The following PPP1R1C variants were observed in gnomAD, a reference collection of about 807,000 sequenced individuals.
The protein encoded by PPP1R1C is protein phosphatase 1 regulatory subunit 1C.
In PPP1R1C, 15 loss-of-function variants were observed where a neutral mutation model predicts 17.4. The observed-to-expected ratio is 0.86, with a 90% CI of 0.58 to 1.33. PPP1R1C has a LOEUF of 1.33. Ranked by LOEUF, PPP1R1C falls within the 40% of genes most tolerant of loss-of-function variation. The probability of loss-of-function intolerance (pLI) is 0.00; values close to 1 mark genes in which losing one functional copy is unlikely to be tolerated. For synonymous variants in PPP1R1C, 35 were observed against 43.1 expected, an observed-to-expected ratio of 0.81 and a Z score of 0.73; for missense variants, 143 against 130.0, an observed-to-expected ratio of 1.10 and a Z score of -0.48.
At chr2:182,011,801 G>T (rs944165421) in intron 2 of PPP1R1C, among the ~76,000 whole-genome samples, 2 of 151,892 alleles carry the variant, frequency 1.3e-5, no homozygotes, top group African/African-American at 4.8e-5. Flanking sequence ...CACAGGTTTT[G>T]GTATGTTGTG....
intron 2 of PPP1R1C, among the ~76,000 whole-genome samples, chr2:181,978,607 T>A (rs1056637856): frequency 3.9e-5 from 6 of 152,170 alleles, no homozygotes; most frequent in African/African-American, 1.4e-4. Flanking sequence ...GTGGCTGTTT[T>A]CTGAGAGGGA....
intron 4 of PPP1R1C, among the ~76,000 whole-genome samples, chr2:182,067,115 A>C (rs915984048): frequency 6.6e-6 from 1 of 152,124 alleles, no homozygotes; most frequent in South Asian, 2.1e-4. Context: ...AGCAGGGCCT[A>C]TTAGTATTGC....
chr2:182,030,262 G>A (rs1178920143), intron 2 of PPP1R1C, among the ~76,000 whole-genome samples: 2 of 152,228 alleles, frequency 1.3e-5, no homozygotes, highest in Non-Finnish European at 2.9e-5. Context: ...GTGAAGAACT[G>A]CGTTCCTTTG....
At position 182,113,831 on chromosome 2, in the gene PPP1R1C, C is replaced by T. The variant is rs1478384783; in HGVS notation, c.242-3376C>T. 5.9e-5 allele frequency among the ~76,000 whole-genome samples: 9 copies of T among 152,064 alleles called. No individual in the cohort carries two copies. The East Asian group carries it at 1.5e-3, about 26-fold the overall frequency. The stretch of plus-strand genomic sequence containing the variant: ...TGTGTTATCTACAAATGTAATGAGC[C>T]TCCTGTCTTTGGCTTCAGATTAATT... On this transcript the variant is annotated intron_variant, in intron 4 of 4. Coordinates refer to ENST00000682840, the MANE Select transcript of PPP1R1C (RefSeq NM_001080545.3).
intron 4 of PPP1R1C, among the ~76,000 whole-genome samples, chr2:182,098,198 T>C (rs1416146980): frequency 6.6e-6 from 1 of 152,296 alleles, no homozygotes; most frequent in East Asian, 1.9e-4. Flanking sequence ...CTAGAAGATT[T>C]GTATACCAGC....
chr2:181,990,201 C>T (rs914585964), intron 2 of PPP1R1C, among the ~76,000 whole-genome samples: 7 of 151,860 alleles, frequency 4.6e-5, no homozygotes, highest in African/African-American at 1.4e-4. Flanking sequence ...TGCAGTGGCG[C>T]GATCTCAGCT....
At chr2:182,066,709 T>C (rs537951707) in intron 4 of PPP1R1C, among the ~76,000 whole-genome samples, 2 of 152,264 alleles carry the variant, frequency 1.3e-5, no homozygotes, top group East Asian at 3.9e-4. Flanking sequence ...ACTTTTTCAT[T>C]ATCTTGTGTA....
At chr2:182,004,570 A>G (rs567230552) in intron 2 of PPP1R1C, among the ~76,000 whole-genome samples, 2 of 152,340 alleles carry the variant, frequency 1.3e-5, no homozygotes, top group East Asian at 3.9e-4. Flanking sequence ...ACAAGGCATT[A>G]GAGATTCAAT....
At chr2:182,035,527 A>C (rs1036661379) in intron 2 of PPP1R1C, among the ~76,000 whole-genome samples, 2 of 152,084 alleles carry the variant, frequency 1.3e-5, no homozygotes, top group African/African-American at 2.4e-5. Flanking sequence ...AGAGTGTTTG[A>C]GGTGAGGCCT....
chr2:181,956,971 C>T (rs145782285), intron 1 of PPP1R1C, among the ~76,000 whole-genome samples: 242 of 152,270 alleles, frequency 1.6e-3, no homozygotes, highest in East Asian at 0.015. Context: ...ATGAGCTGTT[C>T]ACACTGTTAA....
intron 2 of PPP1R1C, among the ~76,000 whole-genome samples, chr2:182,012,008 T>G (rs1397809309): frequency 6.6e-6 from 1 of 152,106 alleles, no homozygotes; most frequent in African/African-American, 2.4e-5. Flanking sequence ...TTCTTTGAAT[T>G]TGTTAAGACT....
Position 181,997,043 on chromosome 2 carries a change from C to G in PPP1R1C, c.142+9144C>G, listed in dbSNP as rs541158559. Among the ~76,000 whole-genome samples the G allele has an allele frequency of 1.7e-3, 252 of 151,858 alleles. 1 individual carries two copies. Among genetic ancestry groups the G allele is most frequent in the African/African-American group, 5.8e-3 (241 of 41,430 alleles). On this transcript the variant is annotated intron_variant, in intron 2 of 4. Coordinates refer to ENST00000682840, the MANE Select transcript of PPP1R1C (RefSeq NM_001080545.3). Reference sequence around the variant, plus strand: ...AGGAGATCGAGACCATCCTGGCTAACATGGTGAAACCCTGTCTTTACTAGA... The same window carrying G: ...AGGAGATCGAGACCATCCTGGCTAAGATGGTGAAACCCTGTCTTTACTAGA...
chr2:182,098,121 GAC>G (rs1688996825), intron 4 of PPP1R1C, among the ~76,000 whole-genome samples: 1 of 151,804 alleles, frequency 6.6e-6, no homozygotes, highest in African/African-American at 2.4e-5. Flanking sequence ...ATTGATAACA[GAC>G]ACCCCCAACC....
At chr2:182,007,984 C>T (rs773376761) in intron 2 of PPP1R1C, among the ~76,000 whole-genome samples, 10 of 151,912 alleles carry the variant, frequency 6.6e-5, no homozygotes, top group Non-Finnish European at 1.3e-4. Context: ...AGGAGAATGG[C>T]GTGAACCTAG....
At chr2:182,007,118 G>A (rs543930013) in intron 2 of PPP1R1C, among the ~76,000 whole-genome samples, 6 of 152,214 alleles carry the variant, frequency 3.9e-5, no homozygotes, top group East Asian at 3.9e-4. Context: ...GGCTAATTGC[G>A]TCATGTCTTT....
At chr2:182,043,482 GC>G (rs1234629003) in intron 2 of PPP1R1C, among the ~76,000 whole-genome samples, 1 of 151,488 alleles carries the variant, frequency 6.6e-6, no homozygotes. Context: ...ATAGGAGAAA[GC>G]TCTATAAAGT....
chr2:181,978,255 T>C (rs921573458), intron 2 of PPP1R1C, among the ~76,000 whole-genome samples: 5 of 152,160 alleles, frequency 3.3e-5, no homozygotes, highest in Non-Finnish European at 5.9e-5. Context: ...CAATTCAGAG[T>C]GAGATTTGGT....
At chr2:182,025,330 G>T (rs1686569556) in intron 2 of PPP1R1C, among the ~76,000 whole-genome samples, 1 of 142,380 alleles carries the variant, frequency 7.0e-6, no homozygotes, top group Non-Finnish European at 1.5e-5. Flanking sequence ...CTAGCATTAG[G>T]TATATCTCCC....
intron 1 of PPP1R1C, among the ~76,000 whole-genome samples, chr2:181,965,867 G>C (rs1453660671): frequency 6.6e-6 from 1 of 152,136 alleles, no homozygotes; most frequent in Admixed American, 6.5e-5. Context: ...GATGGGGCTT[G>C]CACTGAATCT....
Sources: gnomAD v4.1 joint callset for allele counts (sites outside exome capture counted in the v4.1 genomes callset) on GRCh38, gnomAD v4.1.1 for gene constraint, MANE v1.5 for transcripts, NCBI Gene and HGNC (gene_info 2026-07-23, HGNC 2026-07-21) for gene names.